Variants in NAV3 observed in about 807,000 individuals in gnomAD.
NAV3 encodes neuron navigator 3.
A neutral mutation model predicts 244.7 loss-of-function variants in NAV3; 87 were observed. The ratio of observed to expected loss-of-function variants is 0.36; its 90% CI spans 0.30 to 0.42. NAV3 has a LOEUF of 0.42. Ranked by LOEUF, NAV3 falls within the 20% of genes least tolerant of loss-of-function variation. The pLI is 1.00. For synonymous variants in NAV3, 1,126 were observed against 1,042.2 expected, an observed-to-expected ratio of 1.08 and a Z score of -1.55; for missense variants, 2,663 against 2,893.3, an observed-to-expected ratio of 0.92 and a Z score of 1.83.
chr12:77,676,427 A>G (rs1437993685), intron 2 of NAV3, among the ~76,000 whole-genome samples: 1 of 152,148 alleles, frequency 6.6e-6, no homozygotes, highest in East Asian at 1.9e-4. Flanking sequence ...GGCACAGCTG[A>G]CAAGCATGTC....
intron 11 of NAV3, among the ~76,000 whole-genome samples, chr12:78,051,469 G>A (rs1882751061): frequency 6.6e-6 from 1 of 152,146 alleles, no homozygotes; most frequent in Non-Finnish European, 1.5e-5. Flanking sequence ...GGAGACAGGA[G>A]GAGTTTTGCT....
At chr12:77,701,832 G>T (rs11106334) in intron 2 of NAV3, among the ~76,000 whole-genome samples, 4,054 of 151,848 alleles carry the variant, frequency 0.027, 179 homozygotes, top group African/African-American at 0.092. Context: ...AGTGGTCAGA[G>T]AACATGTTTT....
Position 78,199,374 on chromosome 12 carries a change from C to T in NAV3, c.6558C>T (p.Gly2186=). 6.2e-7 allele frequency: 1 copy of T among 1,610,170 alleles called. No individual in the cohort carries two copies. The highest frequency in any genetic ancestry group is 8.5e-7 in the Non-Finnish European group (1 of 1,178,234). The stretch of plus-strand genomic sequence containing the variant: ...CAAATCATACAGAACCAGTGAAAGG[C>T]TTTTTAGGCAGATATCTTCGAAGAA... ...LCANHTEPVK[G]FLGRYLRRKL... is the part of the protein sequence containing the mutation. The change falls in exon 37 of 40, where the codon GGC becomes GGT. Residue 2186 remains glycine (G), a synonymous_variant. Coordinates refer to ENST00000397909, the MANE Select transcript of NAV3 (RefSeq NM_001024383.2).
At chr12:77,668,220 A>G (rs1039981838) in intron 2 of NAV3, among the ~76,000 whole-genome samples, 1 of 152,134 alleles carries the variant, frequency 6.6e-6, no homozygotes, top group Non-Finnish European at 1.5e-5. Context: ...TGACCAAACA[A>G]AGTTCTTGAT....
chr12:77,663,114 T>C (rs1873541435), intron 2 of NAV3, among the ~76,000 whole-genome samples: 1 of 152,260 alleles, frequency 6.6e-6, no homozygotes, highest in Non-Finnish European at 1.5e-5. Flanking sequence ...TTTTTTATTA[T>C]CGTTTTTGTG....
chr12:77,593,417 G>A lies in NAV3; in HGVS notation c.72+21151G>A, dbSNP rs115008999. ...TTTCTCTCTTCCAAACAGCCAAAGT[G>A]GTGTTCTCCCTTGTGTTTTTTTAAT... On this transcript the variant is annotated intron_variant, in intron 2 of 8. Coordinates refer to the NAV3 transcript ENST00000550042. Among the ~76,000 whole-genome samples, 743 of 150,874 alleles carry A rather than the reference G, an allele frequency of 4.9e-3. 8 individuals are homozygous for A. The highest frequency in any genetic ancestry group is 0.017 in the African/African-American group (705 of 41,190).
intron 2 of NAV3, among the ~76,000 whole-genome samples, chr12:77,677,844 A>G (rs2137102316): frequency 6.6e-6 from 1 of 152,346 alleles, no homozygotes; most frequent in South Asian, 2.1e-4. Flanking sequence ...AATAAAAGCT[A>G]CATAAAGTCA....
chr12:77,910,933 C>T (rs1205642256), intron 1 of NAV3, among the ~76,000 whole-genome samples: 2 of 152,098 alleles, frequency 1.3e-5, no homozygotes, highest in Non-Finnish European at 2.9e-5. Flanking sequence ...AGTATGGACA[C>T]TTATCAGTAG....
Position 77,593,763 on chromosome 12 carries a change from C to A in NAV3, c.72+21497C>A, listed in dbSNP as rs142664311. On this transcript the variant is annotated intron_variant, in intron 2 of 8. Coordinates refer to the NAV3 transcript ENST00000550042. ...TGCTGGGATTAGAGGCGTGAGCCAC[C>A]ACGCCCAGCCTCTCCCTTGTGATTT... Among the ~76,000 whole-genome samples, 413 of 151,858 alleles carry A rather than the reference C, an allele frequency of 2.7e-3. 2 individuals carry two copies. The highest frequency in any genetic ancestry group is 9.7e-3 in the African/African-American group (402 of 41,356).
intron 2 of NAV3, among the ~76,000 whole-genome samples, chr12:77,770,674 G>T (rs1017489444): frequency 6.6e-6 from 1 of 152,160 alleles, no homozygotes; most frequent in African/African-American, 2.4e-5. Flanking sequence ...AGTCTAAAAT[G>T]TAACCATTTG....
At chr12:77,691,601 T>A (rs1477384478) in intron 2 of NAV3, among the ~76,000 whole-genome samples, 2 of 151,430 alleles carry the variant, frequency 1.3e-5, no homozygotes, top group African/African-American at 4.8e-5. Flanking sequence ...TTGATATGAA[T>A]GACCAGACAT....
chr12:77,980,442 C>T (rs1231982765), intron 5 of NAV3, among the ~76,000 whole-genome samples: 8 of 152,040 alleles, frequency 5.3e-5, no homozygotes, highest in Non-Finnish European at 5.9e-5. Flanking sequence ...AGTTATTTTC[C>T]TGAATATATG....
At chr12:77,621,640 C>T (rs1157843460) in intron 2 of NAV3, among the ~76,000 whole-genome samples, 3 of 151,916 alleles carry the variant, frequency 2.0e-5, no homozygotes, top group African/African-American at 4.8e-5. Flanking sequence ...CCACCACGCC[C>T]AGCTAATTTT....
At chr12:78,170,392 A>G (rs1204091350) in intron 24 of NAV3, among the ~76,000 whole-genome samples, 5 of 151,502 alleles carry the variant, frequency 3.3e-5, no homozygotes, top group African/African-American at 1.2e-4. Flanking sequence ...CTTTTCTCTG[A>G]TTTTACTCTT....
intron 1 of NAV3, among the ~76,000 whole-genome samples, chr12:77,864,642 G>A (rs983350976): frequency 1.1e-4 from 16 of 151,964 alleles, no homozygotes; most frequent in African/African-American, 3.6e-4. Context: ...CAATTTTTAA[G>A]CAAACTTTTT....
Position 78,187,821 on chromosome 12 carries a change from T to TA in NAV3, c.5791-424dup, listed in dbSNP as rs915744084. 2.0e-5 allele frequency among the ~76,000 whole-genome samples: 3 copies of TA among 151,908 alleles called. No homozygotes were observed. In the Admixed American group the frequency reaches 2.0e-4, roughly 10 times the overall value. On this transcript the variant is annotated intron_variant, in intron 31 of 39. Coordinates refer to ENST00000397909, the MANE Select transcript of NAV3 (RefSeq NM_001024383.2). ...AAGGTAAGATCACAAAATAGTAAGA[T>TA]AAAGTTCTAGAATTCATATAATATG...
At chr12:77,829,241 C>T (rs552924773), upstream of NAV3, among the ~76,000 whole-genome samples, 20 of 152,320 alleles carry the variant, frequency 1.3e-4, no homozygotes, top group Non-Finnish European at 2.2e-4. Context: ...GCCTTCCAAC[C>T]GGATTTCTTC....
At chr12:78,154,313 G>GTATATATTACTATATAATATATAATA (rs1555183047) in intron 22 of NAV3, among the ~76,000 whole-genome samples, 14 of 130,496 alleles carry the variant, frequency 1.1e-4, no homozygotes, top group Middle Eastern at 4.9e-3. Context: ...ATAATATATA[G>GTATATATTACTATATAATATATAATA]TATATATATA....
intron 20 of NAV3, among the ~76,000 whole-genome samples, chr12:78,142,800 G>C (rs1187682821): frequency 1.5e-4 from 22 of 150,400 alleles, no homozygotes; most frequent in Non-Finnish European, 1.5e-5. Context: ...AGTGAGTAAA[G>C]AATGGATTAG....
Sources: allele counts gnomAD v4.1 joint callset (sites outside exome capture counted in the v4.1 genomes callset), GRCh38; gene constraint gnomAD v4.1.1; transcripts MANE v1.5; gene names NCBI Gene and HGNC (gene_info 2026-07-23, HGNC 2026-07-21).